The following ZSCAN4 variants were observed in gnomAD, a reference collection of about 807,000 sequenced individuals.
ZSCAN4 encodes zinc finger and SCAN domain containing 4.
ZSCAN4 carries 18 observed loss-of-function variants against 18.3 expected under a neutral mutation model. That is an observed-to-expected ratio of 0.98 (90% CI 0.68 to 1.46). The LOEUF (loss-of-function observed/expected upper bound fraction) is 1.46. Ranked by LOEUF, ZSCAN4 falls within the 40% of genes most tolerant of loss-of-function variation. ZSCAN4 has a pLI of 0.00. For missense variants in ZSCAN4, 498 were observed against 511.4 expected (o/e 0.97, Z 0.25); for synonymous variants, 193 against 180.3 (o/e 1.07, Z -0.57).
At chr19:57,652,695 A>G in the ZSCAN4 span, among the ~76,000 whole-genome samples, 2 of 152,100 alleles carry the variant, frequency 1.3e-5, no homozygotes, top group East Asian at 1.9e-4. Flanking sequence ...GCTGAAGGCC[A>G]TGCCCACATC....
chr19:57,661,732 T>G, the ZSCAN4 span, among the ~76,000 whole-genome samples: 2 of 152,194 alleles, frequency 1.3e-5, no homozygotes, highest in Admixed American at 1.3e-4. Context: ...TAAATACAAG[T>G]CTGTGAATAT....
chr19:57,676,200 G>A (rs1425405411), exon 3 of ZSCAN4: 1 of 1,613,912 alleles, frequency 6.2e-7, no homozygotes, highest in Non-Finnish European at 8.5e-7. Flanking sequence ...GAATAATCTT[G>A]GATCAGAAAA....
chr19:57,659,824 G>A, the ZSCAN4 span, among the ~76,000 whole-genome samples: 1 of 152,056 alleles, frequency 6.6e-6, no homozygotes, highest in Non-Finnish European at 1.5e-5. Flanking sequence ...CTACCCTACA[G>A]ATCAATTTTA....
At chr19:57,661,899 T>A in the ZSCAN4 span, among the ~76,000 whole-genome samples, 4 of 151,786 alleles carry the variant, frequency 2.6e-5, no homozygotes, top group Non-Finnish European at 5.9e-5. Context: ...CTGGCCAACA[T>A]GATAAAACCC....
At chr19:57,678,361 C>G (rs1272256185) in exon 5 of ZSCAN4, 1 of 1,614,136 alleles carries the variant, frequency 6.2e-7, no homozygotes, top group Non-Finnish European at 8.5e-7. Context: ...ACTGCTAGAT[C>G]TCAGGAAGGG....
chr19:57,678,482 G>A, exon 5 of ZSCAN4: 1 of 1,614,084 alleles, frequency 6.2e-7, no homozygotes, highest in Non-Finnish European at 8.5e-7. Context: ...AGAGCAATGA[G>A]GGAAATTCCA....
chr19:57,671,241 C>T (rs1984014791), intron 2 of ZSCAN4, among the ~76,000 whole-genome samples: 1 of 152,044 alleles, frequency 6.6e-6, no homozygotes, highest in African/African-American at 2.4e-5. Flanking sequence ...GATACAGACC[C>T]AGACCTGACG....
chr19:57,675,586 A>T (rs1207159467), intron 2 of ZSCAN4, among the ~76,000 whole-genome samples: 1 of 152,152 alleles, frequency 6.6e-6, no homozygotes, highest in African/African-American at 2.4e-5. Flanking sequence ...CCAGCCAAGG[A>T]TATTTCCTAA....
chr19:57,664,293 G>T, upstream of ZSCAN4: 1 of 153,116 alleles, frequency 6.5e-6, no homozygotes, highest in South Asian at 1.8e-4. Context: ...CCGCAGCTGC[G>T]GGGCTCGGTG....
intron 2 of ZSCAN4, among the ~76,000 whole-genome samples, chr19:57,674,768 C>T (rs1345561014): frequency 6.6e-6 from 1 of 152,074 alleles, no homozygotes; most frequent in Non-Finnish European, 1.5e-5. Context: ...TGATTTGCAT[C>T]CCCACCAAAT....
At chr19:57,661,820 G>A in the ZSCAN4 span, among the ~76,000 whole-genome samples, 3 of 152,166 alleles carry the variant, frequency 2.0e-5, no homozygotes, top group Non-Finnish European at 2.9e-5. Flanking sequence ...GGTGGCTCAC[G>A]CCTGTAACCC....
At chr19:57,653,782 A>G in the ZSCAN4 span, among the ~76,000 whole-genome samples, 5 of 152,342 alleles carry the variant, frequency 3.3e-5, no homozygotes, top group Admixed American at 2.0e-4. Context: ...CAACAGGGTC[A>G]TTGGGCAAAA....
chr19:57,670,968 C>T (rs544990486), intron 2 of ZSCAN4, among the ~76,000 whole-genome samples: 1 of 151,948 alleles, frequency 6.6e-6, no homozygotes, highest in South Asian at 2.1e-4. Context: ...CTCAAGTGAT[C>T]CTTCCACCTT....
the ZSCAN4 span, among the ~76,000 whole-genome samples, chr19:57,653,702 G>C: frequency 2.0e-5 from 3 of 152,196 alleles, no homozygotes; most frequent in East Asian, 5.8e-4. Flanking sequence ...CCATACAACA[G>C]GGTTCCCAAT....
the ZSCAN4 span, among the ~76,000 whole-genome samples, chr19:57,657,127 G>A: frequency 1.3e-4 from 19 of 151,912 alleles, no homozygotes; most frequent in Non-Finnish European, 2.5e-4. Flanking sequence ...GTGGTGGCAG[G>A]CACCTGTAAT....
chr19:57,661,972 T>A, the ZSCAN4 span, among the ~76,000 whole-genome samples: 1 of 151,468 alleles, frequency 6.6e-6, no homozygotes, highest in Non-Finnish European at 1.5e-5. Flanking sequence ...TCCCAGCTAC[T>A]CAGGAGGCTG....
At chr19:57,673,452 G>A (rs905893180) in intron 2 of ZSCAN4, among the ~76,000 whole-genome samples, 14 of 152,214 alleles carry the variant, frequency 9.2e-5, no homozygotes, top group Non-Finnish European at 1.8e-4. Context: ...ACAAAATAGC[G>A]AGACCAAGTC....
intron 3 of ZSCAN4, 94 bp from the exon 4 acceptor site, chr19:57,677,820 G>T: frequency 1.7e-6 from 2 of 1,191,964 alleles, no homozygotes; most frequent in Non-Finnish European, 2.3e-6. Flanking sequence ...AATACTTGAG[G>T]GAGCTTGTGA....
chr19:57,661,802 C>T, the ZSCAN4 span, among the ~76,000 whole-genome samples: 2 of 152,178 alleles, frequency 1.3e-5, no homozygotes, highest in African/African-American at 4.8e-5. Flanking sequence ...AACTACCATG[C>T]TGGGCGCGGT....
Sources: gnomAD v4.1 joint callset for allele counts (sites outside exome capture counted in the v4.1 genomes callset) on GRCh38, gnomAD v4.1.1 for gene constraint, MANE v1.5 for transcripts, NCBI Gene and HGNC (gene_info 2026-07-23, HGNC 2026-07-21) for gene names.